The following PITPNM1 variants were observed in gnomAD, a reference collection of about 807,000 sequenced individuals.
PITPNM1 encodes the protein membrane-associated phosphatidylinositol transfer protein 1.
PITPNM1 carries 74 observed loss-of-function variants against 133.3 expected under a neutral mutation model. The observed-to-expected ratio is 0.56, with a 90% CI of 0.46 to 0.67. The LOEUF is 0.67. Ranked by LOEUF, PITPNM1 falls within the 30% of genes least tolerant of loss-of-function variation. PITPNM1 has a pLI of 0.00. For synonymous variants in PITPNM1, 738 were observed against 741.4 expected, an observed-to-expected ratio of 1.00 and a Z score of 0.08; for missense variants, 1,398 against 1,739.5, an observed-to-expected ratio of 0.80 and a Z score of 3.49.
Position 67,492,196 on chromosome 11 carries a change from C to G in PITPNM1, c.3572G>C (p.Ser1191Thr). 6.2e-7 allele frequency: 1 copy of G among 1,611,268 alleles called. No individual in the cohort carries two copies. The highest frequency in any genetic ancestry group is 1.1e-5 in the South Asian group (1 of 91,070). Residue 1191 changes from serine (S) to threonine (T), a missense_variant, in exon 24 of 24, where the codon AGC becomes ACC. By Grantham distance (58) the Ser-to-Thr change is moderately conservative. Around this residue, in one of 5 missense-constraint regions of PITPNM1, gnomAD observed 122 missense variants for 123.3 expected, o/e 0.99. Transcript: ENST00000356404. ...GTCCACGGGGGCAGCCACACCATAG[C>G]TGCTCTTGCCCAAGGCAGCTCTCGG... ...GPPRAALGKSSYGVAAPVDFL... is the reference protein window; with the variant it reads ...GPPRAALGKSTYGVAAPVDFL...
At chr11:67,496,908 G>C in intron 14 of PITPNM1, 1 of 231,582 alleles carries the variant, frequency 4.3e-6, no homozygotes, top group Non-Finnish European at 8.3e-6. Context: ...CTCTAGTCTG[G>C]GTGACAGAGC....
chr11:67,497,597 G>C lies in PITPNM1; in HGVS notation c.1865C>G (p.Pro622Arg). ...DGVEGLGRGS[P>R]EPSALPPQRI... is the part of the protein sequence containing the mutation. The stretch of plus-strand genomic sequence containing the variant: ...CTGGGGAGGCAAGGCCGAGGGTTCT[G>C]GGCTGCCCCGACCCAGGCCTTCCAC... The change falls in exon 13 of 24, where the codon CCA becomes CGA. Residue 622 changes from proline (P) to arginine (R), a missense_variant. Coordinates refer to ENST00000356404, the MANE Select transcript of PITPNM1 (RefSeq NM_004910.3). The C allele has an allele frequency of 6.2e-7, 1 of 1,607,924 alleles. No individual in the cohort carries two copies. Among genetic ancestry groups the C allele is most frequent in the Non-Finnish European group, 8.5e-7 (1 of 1,178,446 alleles).
Position 67,500,177 on chromosome 11 carries a change from T to TG in PITPNM1, c.884dup (p.Gly296ArgfsTer37), listed in dbSNP as rs771198469. 6.3e-7 allele frequency: 1 copy of TG among 1,598,614 alleles called. No individual in the cohort carries two copies. Among genetic ancestry groups the TG allele is most frequent in the Non-Finnish European group, 8.5e-7 (1 of 1,173,864 alleles). On this transcript the variant is annotated frameshift_variant, in exon 6 of 24. Coordinates refer to ENST00000356404, the MANE Select transcript of PITPNM1 (RefSeq NM_004910.3). LOFTEE classifies it high-confidence loss of function. ...TGGCATCGGGGGAGGCATCTGGGCC[T>TG]GGGGGGGCCTCAGGCCCATCGGGGG...
Position 67,495,510 on chromosome 11 carries a change from T to G in PITPNM1, c.2410A>C (p.Lys804Gln), listed in dbSNP as rs780704022. The change falls in exon 16 of 24, where the codon AAG (lysine) becomes CAG (glutamine). Residue 804 changes from lysine to glutamine, a missense_variant. Transcript: ENST00000356404. ...GGGTCAGTGGCCAACTCACTGCCCT[T>G]CCAGAAGGCACCGCTAGTAGAGGTG... ...TPTSTSGAFW[K>Q]GSELATDPPA... is the part of the protein sequence containing the mutation. 1.1e-5 allele frequency: 17 copies of G among 1,582,790 alleles called. No individual in the cohort carries two copies.
In PITPNM1 at chr11:67,492,217, C is replaced by A; in HGVS notation, c.3551G>T (p.Arg1184Ile). The A allele has an allele frequency of 6.2e-7, 1 of 1,609,820 alleles. No individual in the cohort carries two copies. ...ATAGCTGCTCTTGCCCAAGGCAGCT[C>A]TCGGGGGTCCCGAGGAGGCATGCGA... ...SHSHASSGPP[R>I]AALGKSSYGV... The change falls in exon 24 of 24, where the codon AGA (arginine) becomes ATA (isoleucine). Residue 1184 changes from arginine to isoleucine, a missense_variant. Arg to Ile is a moderately conservative substitution (Grantham distance 97). Coordinates refer to ENST00000356404, the MANE Select transcript of PITPNM1 (RefSeq NM_004910.3).
rs374757435 is a variant in PITPNM1 at position 67,496,363 on chromosome 11, A to G, written c.2147-15T>C. 7.1e-5 allele frequency: 111 copies of G among 1,565,866 alleles called. No homozygotes were observed. Among genetic ancestry groups the G allele is most frequent in the Non-Finnish European group, 9.3e-5 (108 of 1,165,352 alleles). On this transcript the variant is annotated splice_polypyrimidine_tract_variant and intron_variant, in intron 14 of 23. Transcript: ENST00000356404. ...CATCTGGGCTGCTGGTACCCAGAAG[A>G]CAGAGAAAGATTGTGGGGTCAGGGT...
Position 67,504,241 on chromosome 11 carries a change from GAC to G in PITPNM1, c.-41-22_-41-21del, listed in dbSNP as rs1866422569. 1 of 1,294,790 alleles carries G rather than the reference GAC, an allele frequency of 7.7e-7. No homozygotes were observed. The highest frequency in any genetic ancestry group is 1.3e-5 in the South Asian group (1 of 75,598). 80.2% of individuals were successfully genotyped at this position (1,294,790 alleles called of 1,614,324 possible). On this transcript the variant is annotated intron_variant, in intron 1 of 23. Transcript: ENST00000356404. This position sits in a 1 kb window ranked among gnomAD's most constrained non-coding sequence, Gnocchi z 5.4. ...CTCCTCCTGGCGCAGGGCACGGCGC[GAC>G]AGTCAGTGCGGGGAGGCTGCGCGCG...
chr11:67,496,166 T>C lies in PITPNM1; in HGVS notation c.2317+12A>G, dbSNP rs1866113989. On this transcript the variant is annotated intron_variant, in intron 15 of 23. Coordinates refer to ENST00000356404, the MANE Select transcript of PITPNM1 (RefSeq NM_004910.3). ...CTCCTCCTTCTCCCCTTTATCTTGTTTGGGGGCGTACCCAGCAGCAGGGAT... is the reference window on the plus strand; with the variant it reads ...CTCCTCCTTCTCCCCTTTATCTTGTCTGGGGGCGTACCCAGCAGCAGGGAT... 6.6e-7 allele frequency: 1 copy of C among 1,504,116 alleles called. No homozygotes were observed. Among genetic ancestry groups the C allele is most frequent in the African/African-American group, 1.5e-5 (1 of 68,224 alleles). 93.2% of individuals were successfully genotyped at this position (1,504,116 alleles called of 1,614,324 possible). A position where few individuals can be genotyped will look rare whatever the true frequency, so the allele number is the denominator to read the frequency against.
intron 22 of PITPNM1, 63 bp downstream of exon 22, chr11:67,493,347 G>C: frequency 1.4e-6 from 2 of 1,444,306 alleles, no homozygotes; most frequent in Admixed American, 2.2e-5. Flanking sequence ...GCCGATCCGG[G>C]GGTGGAGGGT....
chr11:67,498,553 C>G lies in PITPNM1; in HGVS notation c.1484+43G>C. On this transcript the variant is annotated intron_variant, in intron 10 of 23. Coordinates refer to ENST00000356404, the MANE Select transcript of PITPNM1 (RefSeq NM_004910.3). This position sits in a 1 kb window ranked among gnomAD's most constrained non-coding sequence, Gnocchi z 5.7. ...CCCCGCTCCCTGCCCCGCTCCCTGG[C>G]CTGATCCTACGAGTTCCCTGCCCTT... 1 of 1,582,068 alleles carries G rather than the reference C, an allele frequency of 6.3e-7. No homozygotes were observed. The highest frequency in any genetic ancestry group is 8.5e-7 in the Non-Finnish European group (1 of 1,169,744).
rs1866065524 is a variant in PITPNM1 at position 67,494,929 on chromosome 11, C to T, written c.2659G>A (p.Ala887Thr). ...QVIEKERPQL[A>T]ECEEPSIYSP... ...TAGATGGACGGCTCCTCGCATTCCGCCAGCTGTGGCCGCTCCTTCTCGATC... is the reference window on the plus strand; with the variant it reads ...TAGATGGACGGCTCCTCGCATTCCGTCAGCTGTGGCCGCTCCTTCTCGATC... The change falls in exon 18 of 24, where the codon GCG (alanine) becomes ACG (threonine). Residue 887 changes from alanine (A) to threonine (T), a missense_variant. Ala to Thr is a moderately conservative substitution (Grantham distance 58). Coordinates refer to ENST00000356404, the MANE Select transcript of PITPNM1 (RefSeq NM_004910.3). The T allele has an allele frequency of 6.2e-7, 1 of 1,612,720 alleles. No individual in the cohort carries two copies.
Position 67,500,163 on chromosome 11 carries a change from G to T in PITPNM1, c.899C>A (p.Ser300Tyr). 1 of 1,595,440 alleles carries T rather than the reference G, an allele frequency of 6.3e-7. No individual in the cohort carries two copies. Residue 300 changes from serine to tyrosine, a missense_variant, in exon 6 of 24, where the codon TCC becomes TAC. Transcript: ENST00000356404. Reference sequence around the variant, plus strand: ...CTGCTTCCCAAAGCTGGCATCGGGGGAGGCATCTGGGCCTGGGGGGGCCTC... The same window carrying T: ...CTGCTTCCCAAAGCTGGCATCGGGGTAGGCATCTGGGCCTGGGGGGGCCTC... ...GPEAPPGPDA[S>Y]PDASFGKQWS... is the part of the protein sequence containing the mutation.
chr11:67,499,731 C>A lies in PITPNM1; in HGVS notation c.1163G>T (p.Gly388Val). 1 of 1,495,878 alleles carries A rather than the reference C, an allele frequency of 6.7e-7. No individual in the cohort carries two copies. The highest frequency in any genetic ancestry group is 1.4e-5 in the South Asian group (1 of 73,616). 92.7% of individuals were successfully genotyped at this position (1,495,878 alleles called of 1,614,324 possible). ...DAFASPVEAEGTPEPGAEAAK... is the reference protein window; with the variant it reads ...DAFASPVEAEVTPEPGAEAAK... Reference sequence around the variant, plus strand: ...CTAGGCGGTATCTTTACCTGGCGTTCCCTCTGCCTCCACTGGGGAGGCAAA... The same window carrying A: ...CTAGGCGGTATCTTTACCTGGCGTTACCTCTGCCTCCACTGGGGAGGCAAA... Residue 388 changes from glycine to valine, a missense_variant, in exon 8 of 24, where the codon GGA (glycine) becomes GTA (valine). Physicochemically the swap from Gly to Val is moderately radical, Grantham distance 109. Coordinates refer to ENST00000356404, the MANE Select transcript of PITPNM1 (RefSeq NM_004910.3).
chr11:67,494,085 G>A lies in PITPNM1; in HGVS notation c.2860-15C>T. 1 of 1,600,544 alleles carries A rather than the reference G, an allele frequency of 6.2e-7. No homozygotes were observed. Among genetic ancestry groups the A allele is most frequent in the South Asian group, 1.1e-5 (1 of 89,728 alleles). On this transcript the variant is annotated splice_polypyrimidine_tract_variant and intron_variant, in intron 19 of 23. Transcript: ENST00000356404. ...TAGACATCCACCTGGAGGGGAGAAG[G>A]GGCGGGAGGTAAATGGGGGCCCTGC...
intron 23 of PITPNM1, 104 bp downstream of exon 23, chr11:67,492,830 T>G: frequency 7.1e-7 from 1 of 1,404,012 alleles, no homozygotes; most frequent in Non-Finnish European, 9.7e-7. Flanking sequence ...GGAGGCCGGT[T>G]AGGCCTTCTC....
intron 2 of PITPNM1, 118 bp downstream of exon 2, chr11:67,503,985 G>A: frequency 2.9e-6 from 2 of 687,818 alleles, no homozygotes; most frequent in Non-Finnish European, 4.8e-6. Context: ...TCCCACATCT[G>A]AAGGGGGGCC....
In PITPNM1 at chr11:67,498,285, G is replaced by C. The variant is rs938439836; in HGVS notation, c.1522C>G (p.Arg508Gly). The C allele has an allele frequency of 1.2e-6, 2 of 1,603,508 alleles. No homozygotes were observed. The highest frequency in any genetic ancestry group is 1.7e-6 in the Non-Finnish European group (2 of 1,174,696). The change falls in exon 11 of 24, where the codon CGC (arginine) becomes GGC (glycine). Residue 508 changes from arginine (R) to glycine (G), a missense_variant. Transcript: ENST00000356404. The surrounding 1 kb of genome is among the most constrained non-coding windows in gnomAD (Gnocchi z 5.7). ...GCCAGTGGAATGTGGTCTTGGGAGC[G>C]AGACAGGCTGTCCCCATCGTGGCTG... Reference protein sequence around the residue: ...PYSHDGDSLSRSQDHIPLAAL... With the variant: ...PYSHDGDSLSGSQDHIPLAAL...
chr11:67,501,791 G>A, intron 5 of PITPNM1, 71 bp downstream of exon 5: 2 of 1,308,804 alleles, frequency 1.5e-6, no homozygotes, highest in East Asian at 2.4e-5. Context: ...GTGGATGGGA[G>A]CATCCCTGGC....
At position 67,498,506 on chromosome 11, in the gene PITPNM1, G is replaced by A; in HGVS notation, c.1484+90C>T. 6.5e-7 allele frequency: 1 copy of A among 1,531,422 alleles called. No individual in the cohort carries two copies. The highest frequency in any genetic ancestry group is 1.2e-5 in the South Asian group (1 of 81,798). The allele number at this position is 1,531,422 out of a possible 1,614,324, so 94.9% of individuals were successfully genotyped here. ...CCAGCCATGCCAGTGACCGACCCAG[G>A]TGTCTGGCTTCCTGACCCCTTCCCC... is the stretch of plus-strand genomic sequence containing the variant. On this transcript the variant is annotated intron_variant, in intron 10 of 23. Coordinates refer to ENST00000356404, the MANE Select transcript of PITPNM1 (RefSeq NM_004910.3). This position sits in a 1 kb window ranked among gnomAD's most constrained non-coding sequence, Gnocchi z 5.7.
Sources: allele counts gnomAD v4.1 joint callset, GRCh38; gene constraint gnomAD v4.1.1; regional missense constraint gnomAD v4.1.1; non-coding constraint Gnocchi (gnomAD v3.1); transcripts MANE v1.5; gene names NCBI Gene and HGNC (gene_info 2026-07-23, HGNC 2026-07-21).